APCDD1L: variants seen among roughly 807,000 people sequenced by gnomAD.
The protein encoded by APCDD1L is protein APCDD1-like.
In APCDD1L, 21 loss-of-function variants were observed where a neutral mutation model predicts 24.2. That is an observed-to-expected ratio of 0.87 (90% CI 0.61 to 1.25). APCDD1L has a LOEUF of 1.25. Among genes scored for constraint, APCDD1L ranks in the 50% most tolerant of loss-of-function variants. The pLI, the probability that APCDD1L is intolerant of heterozygous loss-of-function variation, is 0.00. For synonymous variants in APCDD1L, 321 were observed against 323.6 expected, an observed-to-expected ratio of 0.99 and a Z score of 0.09; for missense variants, 704 against 711.7, an observed-to-expected ratio of 0.99 and a Z score of 0.12.
At position 58,489,608 on chromosome 20, in the gene APCDD1L, T is replaced by C. The variant is rs1227510199; in HGVS notation, c.50-18861A>G. Among the ~76,000 whole-genome samples, 4 of 151,122 alleles carry C rather than the reference T, an allele frequency of 2.6e-5. No homozygotes were observed. In the East Asian group the frequency reaches 5.8e-4, roughly 22 times the overall value. The stretch of plus-strand genomic sequence containing the variant: ...CTGAGGCAGGACAATCGCTTGAACC[T>C]GGGAGGCAGAGGTTGCAGTCAGCCG... On this transcript the variant is annotated intron_variant, in intron 1 of 3. Transcript: ENST00000371149.
intron 1 of APCDD1L, among the ~76,000 whole-genome samples, chr20:58,483,225 G>A (rs1990057472): frequency 6.6e-6 from 1 of 152,114 alleles, no homozygotes; most frequent in Non-Finnish European, 1.5e-5. Flanking sequence ...TGATGGTGGC[G>A]CCGTGGGGAG....
At position 58,509,806 on chromosome 20, in the gene APCDD1L, C is replaced by T. The variant is rs111308851; in HGVS notation, c.49+4853G>A. Among the ~76,000 whole-genome samples the T allele has an allele frequency of 2.0e-4, 30 of 152,302 alleles. 1 individual carries two copies. Among genetic ancestry groups the T allele is most frequent in the African/African-American group, 7.2e-4 (30 of 41,558 alleles). On this transcript the variant is annotated intron_variant, in intron 1 of 3. Transcript: ENST00000371149. Reference sequence around the variant, plus strand: ...TAGATTCTTGGATGCCTCCAGTGATCGGGAATTCACTACTTCTAGAGGCAT... The same window carrying T: ...TAGATTCTTGGATGCCTCCAGTGATTGGGAATTCACTACTTCTAGAGGCAT...
chr20:58,483,987 A>G (rs1351288208), intron 1 of APCDD1L, among the ~76,000 whole-genome samples: 1 of 152,178 alleles, frequency 6.6e-6, no homozygotes, highest in Non-Finnish European at 1.5e-5. Flanking sequence ...ATGGGGAGCA[A>G]GTTGTTTGAT....
intron 3 of APCDD1L, among the ~76,000 whole-genome samples, chr20:58,463,894 T>TTGGGGGG (rs1491147308): frequency 3.8e-5 from 2 of 52,392 alleles, no homozygotes; most frequent in African/African-American, 5.4e-5. Flanking sequence ...AGTTTTTTTT[T>TTGGGGGG]GGGGGGGGGG....
chr20:58,467,682 C>A lies in APCDD1L; in HGVS notation c.189-24G>T. ...AGCTGCAGGGGTGGAAGGAGATGGG[C>A]TGGGTGCAGAGGGAACACCGCGCCG... On this transcript the variant is annotated intron_variant, in intron 2 of 3. Transcript: ENST00000371149. The surrounding 1 kb of genome is among the most constrained non-coding windows in gnomAD (Gnocchi z 5.9). 6.8e-7 allele frequency: 1 copy of A among 1,470,114 alleles called. No individual in the cohort carries two copies. The highest frequency in any genetic ancestry group is 9.0e-7 in the Non-Finnish European group (1 of 1,108,438). The allele number at this position is 1,470,114 out of a possible 1,614,324, so 91.1% of individuals were successfully genotyped here. A position where few individuals can be genotyped will look rare whatever the true frequency, so the allele number is the denominator to read the frequency against.
intron 1 of APCDD1L, among the ~76,000 whole-genome samples, chr20:58,507,662 G>A (rs888907068): frequency 4.6e-5 from 7 of 152,160 alleles, no homozygotes; most frequent in Admixed American, 2.0e-4. Flanking sequence ...TCAATGGAGT[G>A]AACATGAAAG....
At chr20:58,512,522 CT>C (rs1305926519) in intron 1 of APCDD1L, among the ~76,000 whole-genome samples, 1 of 152,142 alleles carries the variant, frequency 6.6e-6, no homozygotes, top group Non-Finnish European at 1.5e-5. Flanking sequence ...AAAGAATCCT[CT>C]GGTGCCAAAT....
intron 1 of APCDD1L, among the ~76,000 whole-genome samples, chr20:58,499,523 C>T (rs192633566): frequency 4.6e-4 from 70 of 152,324 alleles, no homozygotes; most frequent in African/African-American, 1.6e-3. Flanking sequence ...TCAAAAATAC[C>T]GATCACCCCA....
chr20:58,511,334 T>C (rs994313460), intron 1 of APCDD1L, among the ~76,000 whole-genome samples: 1 of 152,252 alleles, frequency 6.6e-6, no homozygotes, highest in Non-Finnish European at 1.5e-5. Flanking sequence ...CCCTTTGCAT[T>C]GGGCTATTGA....
chr20:58,480,432 C>G (rs553333779), intron 1 of APCDD1L, among the ~76,000 whole-genome samples: 1 of 152,270 alleles, frequency 6.6e-6, no homozygotes, highest in East Asian at 1.9e-4. Flanking sequence ...TAGCTACTGG[C>G]CCCCCAGTTC....
rs574417236 is a variant in APCDD1L at position 58,464,423 on chromosome 20, G to A, written c.741+2683C>T. ...GGTGCTTTTGAAGCTGGTGAAACAA[G>A]GTTCCCGGCTCCATGGGAAATCTTT... On this transcript the variant is annotated intron_variant, in intron 3 of 3. Coordinates refer to ENST00000371149, the MANE Select transcript of APCDD1L (RefSeq NM_153360.3). 4.6e-5 allele frequency among the ~76,000 whole-genome samples: 7 copies of A among 152,296 alleles called. No homozygotes were observed. The South Asian group carries it at 1.5e-3, about 32-fold the overall frequency.
intron 1 of APCDD1L, among the ~76,000 whole-genome samples, chr20:58,483,960 G>A (rs1400173254): frequency 6.6e-6 from 1 of 152,348 alleles, no homozygotes; most frequent in East Asian, 1.9e-4. Flanking sequence ...GAGGCCAGGG[G>A]AGGGGGCACA....
rs571856991 is a variant in APCDD1L, at chr20:58,513,400, G to A, written c.49+1259C>T. Among the ~76,000 whole-genome samples, 8 of 152,230 alleles carry A rather than the reference G, an allele frequency of 5.3e-5. No individual in the cohort carries two copies. In the East Asian group the frequency reaches 9.7e-4, roughly 18 times the overall value. The stretch of plus-strand genomic sequence containing the variant: ...TCGCTCCCAGACTGGCAGGGGAAGC[G>A]GCCCCTGGATGAATGTCCCTTTCGA... On this transcript the variant is annotated intron_variant, in intron 1 of 3. Transcript: ENST00000371149.
In APCDD1L at chr20:58,467,414, C is replaced by T. The variant is rs1314326210; in HGVS notation, c.433G>A (p.Val145Ile). The change falls in exon 3 of 4, where the codon GTC becomes ATC. Residue 145 changes from valine to isoleucine, a missense_variant. Coordinates refer to ENST00000371149, the MANE Select transcript of APCDD1L (RefSeq NM_153360.3). This position sits in a 1 kb window ranked among gnomAD's most constrained non-coding sequence, Gnocchi z 5.9. ...VFHSRRALVD[V>I]TGRLNQTRAG... ...CGGGTCTGGTTGAGGCGCCCGGTGA[C>T]GTCGACCAGGGCCCGGCGGCTGTGG... 2 of 1,549,752 alleles carry T rather than the reference C, an allele frequency of 1.3e-6. No individual in the cohort carries two copies. The highest frequency in any genetic ancestry group is 1.2e-5 in the South Asian group (1 of 83,498).
intron 3 of APCDD1L, among the ~76,000 whole-genome samples, chr20:58,462,223 T>C (rs559085094): frequency 8.1e-4 from 124 of 152,258 alleles, no homozygotes; most frequent in Non-Finnish European, 1.5e-3. Flanking sequence ...AGCTCACTCT[T>C]CTAGGTGTTT....
Position 58,460,762 on chromosome 20 carries a change from A to G in APCDD1L, c.*28T>C. On this transcript the variant is annotated 3_prime_UTR_variant, in exon 4 of 4. Transcript: ENST00000371149. This position sits in a 1 kb window ranked among gnomAD's most constrained non-coding sequence, Gnocchi z 4.2. ...TCTGAAGGGTTGAATGGGTGTCCAG[A>G]GCCGCCATCCTGATGTCAAGTCCAA... is the stretch of plus-strand genomic sequence containing the variant. The G allele has an allele frequency of 1.3e-6, 2 of 1,510,240 alleles. No individual in the cohort carries two copies. The highest frequency in any genetic ancestry group is 1.8e-6 in the Non-Finnish European group (2 of 1,129,706). 93.6% of individuals were successfully genotyped at this position (1,510,240 alleles called of 1,614,324 possible).
chr20:58,471,573 G>T (rs1193552657), intron 1 of APCDD1L, among the ~76,000 whole-genome samples: 1 of 152,234 alleles, frequency 6.6e-6, no homozygotes, highest in Non-Finnish European at 1.5e-5. Context: ...GCTTGGCTGG[G>T]CCTGGAGAAG....
chr20:58,487,971 CGT>C (rs374012945), intron 1 of APCDD1L, among the ~76,000 whole-genome samples: 9 of 151,382 alleles, frequency 5.9e-5, no homozygotes, highest in African/African-American at 9.7e-5. Flanking sequence ...TGTGTGCATC[CGT>C]GTGTGTGTGT....
chr20:58,495,630 G>A (rs1288630409), intron 1 of APCDD1L, among the ~76,000 whole-genome samples: 1 of 152,196 alleles, frequency 6.6e-6, no homozygotes. Context: ...GAGTGAGGTG[G>A]CTTTGGGTAA....
Sources: gnomAD v4.1 joint callset for allele counts (sites outside exome capture counted in the v4.1 genomes callset) on GRCh38, gnomAD v4.1.1 for gene constraint, Gnocchi (gnomAD v3.1) non-coding constraint, MANE v1.5 for transcripts, NCBI Gene and HGNC (gene_info 2026-07-23, HGNC 2026-07-21) for gene names.